SEPTIN14: variants seen among roughly 807,000 people sequenced by gnomAD.
SEPTIN14 encodes septin 14.
SEPTIN14 carries 40 observed loss-of-function variants against 53.6 expected under a neutral mutation model. The observed-to-expected ratio is 0.75, with a 90% confidence interval of 0.58 to 0.97. SEPTIN14 has a LOEUF of 0.97. Ranked by LOEUF, SEPTIN14 falls within the 50% of genes least tolerant of loss-of-function variation. The pLI is 0.00. For synonymous variants in SEPTIN14, 138 were observed against 166.8 expected, an observed-to-expected ratio of 0.83 and a Z score of 1.33; for missense variants, 471 against 508.2, an observed-to-expected ratio of 0.93 and a Z score of 0.70.
chr7:55,822,691 C>G (rs1788917257), intron 6 of SEPTIN14, among the ~76,000 whole-genome samples: 1 of 152,028 alleles, frequency 6.6e-6, no homozygotes, highest in Non-Finnish European at 1.5e-5. Context: ...ACTGAATACT[C>G]ACATGTAAAA....
chr7:55,847,408 C>G (rs901384454), intron 2 of SEPTIN14, among the ~76,000 whole-genome samples: 3 of 152,084 alleles, frequency 2.0e-5, no homozygotes, highest in Non-Finnish European at 2.9e-5. Flanking sequence ...TATGATGAGG[C>G]TATGTCCCAA....
At chr7:55,855,866 TTTTG>T (rs936914999) in intron 2 of SEPTIN14, among the ~76,000 whole-genome samples, 1 of 152,172 alleles carries the variant, frequency 6.6e-6, no homozygotes, top group Non-Finnish European at 1.5e-5. Context: ...AGCTGCTTTT[TTTTG>T]TTTGTTTTCT....
intron 6 of SEPTIN14, among the ~76,000 whole-genome samples, chr7:55,830,343 A>ATTTTTTTTTTTTTTTT (rs1454944685): frequency 3.8e-5 from 1 of 26,194 alleles, no homozygotes; most frequent in Non-Finnish European, 6.1e-5. Context: ...ATATATATAT[A>ATTTTTTTTTTTTTTTT]TATATATTTT....
chr7:55,829,820 C>CAAAAAAAAAAA, intron 6 of SEPTIN14, among the ~76,000 whole-genome samples: 1 of 37,620 alleles, frequency 2.7e-5, no homozygotes, highest in Non-Finnish European at 4.5e-5. Flanking sequence ...GACTCCATCT[C>CAAAAAAAAAAA]AAAAAAAAAA....
chr7:55,813,010 C>T (rs910865431), intron 7 of SEPTIN14, among the ~76,000 whole-genome samples: 5 of 151,428 alleles, frequency 3.3e-5, no homozygotes, highest in African/African-American at 4.9e-5. Flanking sequence ...AGTGCAGTGG[C>T]GCAATCTCGG....
intron 3 of SEPTIN14, among the ~76,000 whole-genome samples, chr7:55,845,401 T>C (rs1481864801): frequency 6.6e-6 from 1 of 152,208 alleles, no homozygotes; most frequent in African/African-American, 2.4e-5. Context: ...TCATGTCCTT[T>C]GCAGGAACAT....
chr7:55,853,178 G>A (rs1020814066), intron 2 of SEPTIN14, among the ~76,000 whole-genome samples: 16 of 152,154 alleles, frequency 1.1e-4, no homozygotes, highest in African/African-American at 3.6e-4. Context: ...CCACTGCTAG[G>A]TATATACCCA....
intron 3 of SEPTIN14, among the ~76,000 whole-genome samples, chr7:55,846,065 G>GTATATA (rs56306800): frequency 0.04 from 1,599 of 39,646 alleles, 211 homozygotes; most frequent in African/African-American, 0.1. Flanking sequence ...AAAAAAAAAA[G>GTATATA]TATATATATA....
At chr7:55,817,645 T>C (rs1483436114) in intron 7 of SEPTIN14, among the ~76,000 whole-genome samples, 1 of 151,948 alleles carries the variant, frequency 6.6e-6, no homozygotes, top group Non-Finnish European at 1.5e-5. Context: ...AATTTTTTTG[T>C]ATTTTTAGTA....
intron 8 of SEPTIN14, among the ~76,000 whole-genome samples, 158 bp downstream of exon 8, chr7:55,806,932 G>T (rs144032309): frequency 2.0e-5 from 3 of 151,946 alleles, no homozygotes; most frequent in Admixed American, 2.0e-4. Context: ...CTCTACCTTC[G>T]TCAAAAGATC....
chr7:55,832,920 C>G (rs1789135127), intron 6 of SEPTIN14, among the ~76,000 whole-genome samples: 1 of 152,062 alleles, frequency 6.6e-6, no homozygotes, highest in Admixed American at 6.6e-5. Context: ...CAAACCTCAC[C>G]ATTATGCAAT....
intron 5 of SEPTIN14, among the ~76,000 whole-genome samples, chr7:55,835,787 G>A (rs1380023825): frequency 2.6e-5 from 4 of 152,050 alleles, no homozygotes; most frequent in African/African-American, 7.2e-5. Context: ...CTGTCGCCCA[G>A]GCTGGAGTGC....
intron 6 of SEPTIN14, among the ~76,000 whole-genome samples, chr7:55,826,391 A>T (rs1174147827): frequency 6.6e-6 from 1 of 152,246 alleles, no homozygotes; most frequent in Non-Finnish European, 1.5e-5. Context: ...TAAGACTATC[A>T]ATGGATTTCT....
chr7:55,824,655 G>A (rs1271264333), intron 6 of SEPTIN14, among the ~76,000 whole-genome samples: 4 of 151,772 alleles, frequency 2.6e-5, no homozygotes, highest in African/African-American at 9.7e-5. Flanking sequence ...CAGGCGTGGT[G>A]GTGCATGCCT....
At chr7:55,800,706 G>A (rs1008579979) in intron 9 of SEPTIN14, among the ~76,000 whole-genome samples, 12 of 152,072 alleles carry the variant, frequency 7.9e-5, no homozygotes, top group African/African-American at 2.9e-4. Context: ...GGGGTGGGGG[G>A]AAGTGAGGAC....
intron 9 of SEPTIN14, chr7:55,798,265 G>A (rs1035091439): frequency 3.5e-5 from 16 of 451,832 alleles, no homozygotes; most frequent in Middle Eastern, 1.2e-3. Flanking sequence ...GCTCATGAGC[G>A]TCCACCAGGT....
chr7:55,833,431 T>TA (rs937995076), intron 6 of SEPTIN14, among the ~76,000 whole-genome samples: 1 of 151,540 alleles, frequency 6.6e-6, no homozygotes, highest in Non-Finnish European at 1.5e-5. Flanking sequence ...AAATAGAGAA[T>TA]AAAAAAAATT....
chr7:55,830,609 C>G (rs1275303388), intron 6 of SEPTIN14, among the ~76,000 whole-genome samples: 2 of 150,408 alleles, frequency 1.3e-5, no homozygotes. Flanking sequence ...TCCCAAAGTG[C>G]TGAGATTACA....
Position 55,795,649 on chromosome 7 carries a change from G to A in SEPTIN14, c.*264C>T, listed in dbSNP as rs1788418889. On this transcript the variant is annotated 3_prime_UTR_variant, in exon 10 of 10. Transcript: ENST00000388975. ...AACCCAGCTAATTTTTGTATTTTTA[G>A]TAGAGGCAGGGTTTCATCATTTTGG... 1 of 390,780 alleles carries A rather than the reference G, an allele frequency of 2.6e-6. No homozygotes were observed. 24.2% of individuals were successfully genotyped at this position (390,780 alleles called of 1,614,324 possible).
Sources: gnomAD v4.1 joint callset for allele counts (sites outside exome capture counted in the v4.1 genomes callset) on GRCh38, gnomAD v4.1.1 for gene constraint, MANE v1.5 for transcripts, NCBI Gene and HGNC (gene_info 2026-07-23, HGNC 2026-07-21) for gene names.